SLMAP: variants seen among roughly 807,000 people sequenced by gnomAD.
SLMAP encodes the protein sarcolemmal membrane-associated protein.
A neutral mutation model predicts 128.8 loss-of-function variants in SLMAP; 44 were observed. That is an observed-to-expected ratio of 0.34 (90% CI 0.27 to 0.44). The LOEUF (loss-of-function observed/expected upper bound fraction) is 0.44. Ranked by LOEUF, SLMAP falls within the 20% of genes least tolerant of loss-of-function variation. SLMAP has a pLI of 1.00. For synonymous variants in SLMAP, 327 were observed against 348.8 expected (o/e 0.94, Z 0.70); for missense variants, 787 against 985.3 (o/e 0.80, Z 2.69).
chr3:57,889,219 C>A (rs1403835881), intron 14 of SLMAP, among the ~76,000 whole-genome samples: 1 of 152,172 alleles, frequency 6.6e-6, no homozygotes, highest in African/African-American at 2.4e-5. Flanking sequence ...AGACAAAGTG[C>A]CACATACTGC....
rs190678065 is a variant in SLMAP at position 57,910,303 on chromosome 3, C to T, written c.1699+1153C>T. Among the ~76,000 whole-genome samples, 10 of 152,164 alleles carry T rather than the reference C, an allele frequency of 6.6e-5. No individual in the cohort carries two copies. In the East Asian group the frequency reaches 1.7e-3, roughly 26 times the overall value. On this transcript the variant is annotated intron_variant, in intron 19 of 24. Transcript: ENST00000671191. ...CTCCCGAGTTCAAGTGATTCTGGAGCCTCCCAAGTAGCTGGGACTACAGGT... is the reference window on the plus strand; with the variant it reads ...CTCCCGAGTTCAAGTGATTCTGGAGTCTCCCAAGTAGCTGGGACTACAGGT...
chr3:57,826,349 T>A (rs772143404), intron 2 of SLMAP, among the ~76,000 whole-genome samples: 2 of 152,198 alleles, frequency 1.3e-5, no homozygotes, highest in Non-Finnish European at 2.9e-5. Context: ...ATTCTGCTCC[T>A]TATTCTCTTT....
chr3:57,867,346 C>T (rs1217018204), intron 13 of SLMAP, among the ~76,000 whole-genome samples: 1 of 152,090 alleles, frequency 6.6e-6, no homozygotes, highest in Admixed American at 6.5e-5. Flanking sequence ...TGTAAAATTA[C>T]TGATTCATTT....
At chr3:57,863,443 T>C (rs980373672) in intron 10 of SLMAP, among the ~76,000 whole-genome samples, 3 of 152,146 alleles carry the variant, frequency 2.0e-5, no homozygotes, top group Non-Finnish European at 2.9e-5. Flanking sequence ...TAAAAGGAGA[T>C]TGTCATTGTC....
At chr3:57,826,266 G>A (rs1044173832) in intron 2 of SLMAP, among the ~76,000 whole-genome samples, 1 of 151,640 alleles carries the variant, frequency 6.6e-6, no homozygotes, top group Non-Finnish European at 1.5e-5. Flanking sequence ...ATGTCTTTTA[G>A]CTTGTTTTGA....
intron 2 of SLMAP, among the ~76,000 whole-genome samples, chr3:57,787,234 A>G (rs2084394695): frequency 6.6e-6 from 1 of 152,176 alleles, no homozygotes; most frequent in Non-Finnish European, 1.5e-5. Context: ...TATCATTGAC[A>G]CACTACTTGG....
chr3:57,795,098 G>T (rs2086409536), intron 2 of SLMAP, among the ~76,000 whole-genome samples: 2 of 152,028 alleles, frequency 1.3e-5, no homozygotes, highest in Admixed American at 6.5e-5. Flanking sequence ...CCATCAGGTG[G>T]GTAGGAAATG....
At chr3:57,809,750 C>T (rs776379720) in intron 2 of SLMAP, among the ~76,000 whole-genome samples, 1 of 152,168 alleles carries the variant, frequency 6.6e-6, no homozygotes, top group East Asian at 1.9e-4. Flanking sequence ...GTAAAAGCCT[C>T]GGGCTCAGCC....
intron 14 of SLMAP, among the ~76,000 whole-genome samples, chr3:57,873,389 G>C (rs2095529162): frequency 6.6e-6 from 1 of 152,016 alleles, no homozygotes; most frequent in South Asian, 2.1e-4. Flanking sequence ...TATAATCCCA[G>C]CTACTTGGGA....
In SLMAP at chr3:57,869,638, A is replaced by AT. The variant is rs1184932068; in HGVS notation, c.1238-1997dup. Among the ~76,000 whole-genome samples, 359 of 126,318 alleles carry AT rather than the reference A, an allele frequency of 2.8e-3. 13 individuals are homozygous for AT. The highest frequency in any genetic ancestry group is 0.011 in the African/African-American group (344 of 31,350). 82.9% of individuals were successfully genotyped at this position (126,318 alleles called of 152,430 possible). On this transcript the variant is annotated intron_variant, in intron 13 of 24. Coordinates refer to ENST00000671191, the MANE Select transcript of SLMAP (RefSeq NM_001377540.1). ...GCAAGATCCCATCTCTATTATATAT[A>AT]TATATATATATATATATATATAATA...
intron 2 of SLMAP, among the ~76,000 whole-genome samples, chr3:57,817,367 C>G (rs1308876654): frequency 6.6e-6 from 1 of 152,134 alleles, no homozygotes; most frequent in Non-Finnish European, 1.5e-5. Flanking sequence ...CTGATGGTCA[C>G]AAATCCATTC....
intron 14 of SLMAP, among the ~76,000 whole-genome samples, chr3:57,885,489 G>C (rs1186194055): frequency 6.8e-6 from 1 of 146,022 alleles, no homozygotes; most frequent in Non-Finnish European, 1.5e-5. Flanking sequence ...GTGCGATCTC[G>C]GCTCACCACA....
intron 22 of SLMAP, among the ~76,000 whole-genome samples, chr3:57,922,425 CTTTTTTT>C (rs72397483): frequency 3.2e-5 from 4 of 124,996 alleles, no homozygotes; most frequent in African/African-American, 1.2e-4. Flanking sequence ...AAAGGCTTTT[CTTTTTTT>C]TTTTTTTTTT....
At chr3:57,770,385 G>A (rs757023742) in intron 2 of SLMAP, among the ~76,000 whole-genome samples, 9 of 152,174 alleles carry the variant, frequency 5.9e-5, no homozygotes, top group Non-Finnish European at 1.3e-4. Flanking sequence ...GGCTTTGCTA[G>A]CTGGATAAAA....
chr3:57,910,689 C>A (rs1287284779), intron 19 of SLMAP, among the ~76,000 whole-genome samples: 1 of 152,104 alleles, frequency 6.6e-6, no homozygotes, highest in Non-Finnish European at 1.5e-5. Context: ...TTATATGATA[C>A]CCCAGGAGAG....
In SLMAP at chr3:57,909,503, G is replaced by GAAA. The variant is rs558353210; in HGVS notation, c.1699+366_1699+368dup. ...GGTGACAGAGCAAGACTCCATCTCA[G>GAAA]AAAAAAAAAAAAAAATGAAATGGAA... On this transcript the variant is annotated intron_variant, in intron 19 of 24. Transcript: ENST00000671191. Among the ~76,000 whole-genome samples the GAAA allele has an allele frequency of 2.6e-3, 325 of 126,180 alleles. 1 individual carries two copies. Among genetic ancestry groups the GAAA allele is most frequent in the African/African-American group, 8.4e-3 (279 of 33,246 alleles). 82.8% of individuals were successfully genotyped at this position (126,180 alleles called of 152,430 possible). A position where few individuals can be genotyped will look rare whatever the true frequency, so the allele number is the denominator to read the frequency against.
At chr3:57,775,507 T>TAAA (rs1491354912) in intron 2 of SLMAP, among the ~76,000 whole-genome samples, 1 of 27,292 alleles carries the variant, frequency 3.7e-5, no homozygotes, top group African/African-American at 9.3e-5. Flanking sequence ...ACCCTGTTGG[T>TAAA]ACAAAAAAAA....
At chr3:57,911,116 A>G (rs868620345) in intron 19 of SLMAP, among the ~76,000 whole-genome samples, 38 of 152,020 alleles carry the variant, frequency 2.5e-4, no homozygotes, top group African/African-American at 8.7e-4. Context: ...TGTAGGGGCA[A>G]TTTTTCCTAA....
chr3:57,871,291 ATTAAT>A lies in SLMAP; in HGVS notation c.1238-334_1238-330del, dbSNP rs377531516. ...AGTATGATAGAACAATCACTTGAAA[ATTAAT>A]TTAATTTAATAATGACAAACTTAAA... On this transcript the variant is annotated intron_variant, in intron 13 of 24. Coordinates refer to ENST00000671191, the MANE Select transcript of SLMAP (RefSeq NM_001377540.1). Among the ~76,000 whole-genome samples, 87 of 152,322 alleles carry A rather than the reference ATTAAT, an allele frequency of 5.7e-4. No homozygotes were observed. The East Asian group carries it at 7.1e-3, about 12-fold the overall frequency.
Sources: allele counts gnomAD v4.1 joint callset (sites outside exome capture counted in the v4.1 genomes callset), GRCh38; gene constraint gnomAD v4.1.1; transcripts MANE v1.5; gene names NCBI Gene and HGNC (gene_info 2026-07-23, HGNC 2026-07-21).